TCF7L2: variants seen among roughly 807,000 people sequenced by gnomAD.
The protein encoded by TCF7L2 is transcription factor 7-like 2.
A neutral mutation model predicts 77.9 loss-of-function variants in TCF7L2; 23 were observed. The observed-to-expected ratio is 0.30, with a 90% CI of 0.21 to 0.42. The LOEUF (loss-of-function observed/expected upper bound fraction) is 0.42. Among genes scored for constraint, TCF7L2 ranks in the 10% least tolerant of loss-of-function variants. TCF7L2 has a pLI of 1.00. For missense variants in TCF7L2, 654 were observed against 793.1 expected (o/e 0.82, Z 2.11); for synonymous variants, 413 against 340.2 (o/e 1.21, Z -2.36).
intron 5 of TCF7L2, among the ~76,000 whole-genome samples, chr10:113,105,042 G>T (rs889471053): frequency 2.6e-5 from 4 of 152,200 alleles, no homozygotes; most frequent in South Asian, 2.1e-4. Flanking sequence ...GACTTTGTGG[G>T]ACAGACATGT....
intron 5 of TCF7L2, among the ~76,000 whole-genome samples, chr10:113,110,522 A>C (rs1260231289): frequency 6.6e-6 from 1 of 152,168 alleles, no homozygotes. Context: ...AACATGTAGT[A>C]TACACATGTC....
chr10:113,151,918 G>A lies in TCF7L2; in HGVS notation c.1161+34G>A. 10 of 1,576,192 alleles carry A rather than the reference G, an allele frequency of 6.3e-6. No homozygotes were observed. The highest frequency in any genetic ancestry group is 8.6e-6 in the Non-Finnish European group (10 of 1,166,526). On this transcript the variant is annotated intron_variant, in intron 10 of 13. Transcript: ENST00000627217. This position sits in a 1 kb window ranked among gnomAD's most constrained non-coding sequence, Gnocchi z 5.2. ...CGCCCTTCTCAGGGAGAAGCGGGGG[G>A]CGGGTGGTGAGGGACCAGAGTGCAG...
At chr10:112,961,522 TAGATTATAATGAACA>T (rs1477731146) in intron 3 of TCF7L2, among the ~76,000 whole-genome samples, 1 of 152,100 alleles carries the variant, frequency 6.6e-6, no homozygotes. Flanking sequence ...TTAAAAAAAT[TAGATTATAATGAACA>T]AGACATCTTT....
At chr10:113,010,614 C>T (rs144231180) in intron 4 of TCF7L2, among the ~76,000 whole-genome samples, 31 of 152,320 alleles carry the variant, frequency 2.0e-4, no homozygotes, top group African/African-American at 6.7e-4. Context: ...AGTCTCAGGA[C>T]ACCAAGGTCA....
rs1245533713 is a variant in TCF7L2 at position 113,042,693 on chromosome 10, T to C, written c.552+2567T>C. 4.6e-5 allele frequency among the ~76,000 whole-genome samples: 7 copies of C among 152,160 alleles called. No homozygotes were observed. The East Asian group carries it at 1.3e-3, about 29-fold the overall frequency. ...AAAGGCCTTGCGTTGTTGACCTCTA[T>C]CCACCTGGTCACCTATAGTTTTTGG... On this transcript the variant is annotated intron_variant, in intron 5 of 13. Transcript: ENST00000627217.
intron 4 of TCF7L2, among the ~76,000 whole-genome samples, chr10:113,022,150 C>G (rs925489667): frequency 5.3e-5 from 8 of 152,202 alleles, no homozygotes; most frequent in African/African-American, 1.9e-4. Context: ...TGCAAAACCT[C>G]TTTGGGATGA....
At chr10:113,013,925 T>G (rs763002144) in intron 4 of TCF7L2, among the ~76,000 whole-genome samples, 7 of 152,226 alleles carry the variant, frequency 4.6e-5, no homozygotes, top group Admixed American at 1.3e-4. Flanking sequence ...TGTTAACTTA[T>G]TTTTTAAAGC....
At chr10:113,035,962 C>G (rs2051123832) in intron 4 of TCF7L2, among the ~76,000 whole-genome samples, 1 of 152,130 alleles carries the variant, frequency 6.6e-6, no homozygotes, top group Admixed American at 6.5e-5. Context: ...CAACCCTGCC[C>G]TGAACAAATA....
chr10:113,163,760 G>A (rs1487886912), intron 13 of TCF7L2, among the ~76,000 whole-genome samples: 1 of 152,006 alleles, frequency 6.6e-6, no homozygotes, highest in Non-Finnish European at 1.5e-5. Context: ...CAGACCCTGA[G>A]GCCACTAGCC....
intron 5 of TCF7L2, among the ~76,000 whole-genome samples, chr10:113,043,339 G>A (rs987030527): frequency 6.6e-6 from 1 of 152,216 alleles, no homozygotes; most frequent in African/African-American, 2.4e-5. Flanking sequence ...AACGATTGAT[G>A]TGTAGAATAA....
At position 112,951,266 on chromosome 10, in the gene TCF7L2, GGAA is replaced by G; in HGVS notation, c.254_256del (p.Glu85del). The G allele has an allele frequency of 1.3e-6, 2 of 1,550,458 alleles. No individual in the cohort carries two copies. Among genetic ancestry groups the G allele is most frequent in the South Asian group, 1.2e-5 (1 of 85,240 alleles). ...TCCGAGACAAATCCCGGGAAAGTTT[GGAA>G]GAAGGTGAGTACGCCCCGCGCGCCC... On this transcript the variant is annotated inframe_deletion, in exon 2 of 14. Coordinates refer to ENST00000627217, the MANE Select transcript of TCF7L2 (RefSeq NM_001146274.2).
At position 112,975,351 on chromosome 10, in the gene TCF7L2, G is replaced by A. The variant is rs117736037; in HGVS notation, c.450+10727G>A. On this transcript the variant is annotated intron_variant, in intron 4 of 13. Transcript: ENST00000627217. Reference sequence around the variant, plus strand: ...TGTCTGTGTCTTTGGTTAGTAGTAGGGGCTGGATGAGATAGGATGACTTAA... The same window carrying A: ...TGTCTGTGTCTTTGGTTAGTAGTAGAGGCTGGATGAGATAGGATGACTTAA... Among the ~76,000 whole-genome samples the A allele has an allele frequency of 9.4e-3, 1,426 of 152,230 alleles. 12 individuals carry two copies. The highest frequency in any genetic ancestry group is 0.015 in the Non-Finnish European group (1,033 of 68,018).
intron 3 of TCF7L2, among the ~76,000 whole-genome samples, chr10:112,957,129 CCTTTT>C (rs148611748): frequency 7.9e-5 from 12 of 151,560 alleles, no homozygotes; most frequent in Admixed American, 4.6e-4. Context: ...GCATCTTTTC[CCTTTT>C]CTTTTCTCCC....
chr10:112,995,355 T>C (rs1435292443), intron 4 of TCF7L2, among the ~76,000 whole-genome samples: 1 of 152,148 alleles, frequency 6.6e-6, no homozygotes, highest in Non-Finnish European at 1.5e-5. Context: ...TTTGTAAGTC[T>C]CCTGACAGTG....
intron 2 of TCF7L2, 46 bp from the exon 3 acceptor site, chr10:112,951,437 C>G (rs747823832): frequency 2.9e-6 from 4 of 1,367,534 alleles, no homozygotes; most frequent in Non-Finnish European, 3.9e-6. Flanking sequence ...CACTCTCTCC[C>G]GCTCCGCGCG....
chr10:113,056,156 G>T (rs756014967), intron 5 of TCF7L2, among the ~76,000 whole-genome samples: 2 of 152,142 alleles, frequency 1.3e-5, no homozygotes, highest in Non-Finnish European at 2.9e-5. Context: ...TTTGCAACAG[G>T]CTCCTTGAAG....
At chr10:112,967,905 G>A (rs980786782) in intron 4 of TCF7L2, among the ~76,000 whole-genome samples, 4 of 152,182 alleles carry the variant, frequency 2.6e-5, no homozygotes, top group South Asian at 2.1e-4. Flanking sequence ...AAAGTGCTGG[G>A]ATTACAGGCG....
chr10:113,095,486 G>A (rs1038740759), intron 5 of TCF7L2, among the ~76,000 whole-genome samples: 13 of 152,116 alleles, frequency 8.5e-5, no homozygotes, highest in African/African-American at 1.7e-4. Context: ...CTGATCAACC[G>A]CCGTGGTAGC....
intron 5 of TCF7L2, among the ~76,000 whole-genome samples, chr10:113,045,777 T>G (rs1228979001): frequency 6.6e-6 from 1 of 152,228 alleles, no homozygotes; most frequent in Non-Finnish European, 1.5e-5. Flanking sequence ...TTGTTTTTAT[T>G]TATTTTATTC....
Sources: allele counts gnomAD v4.1 joint callset (sites outside exome capture counted in the v4.1 genomes callset), GRCh38; gene constraint gnomAD v4.1.1; non-coding constraint Gnocchi (gnomAD v3.1); transcripts MANE v1.5; gene names NCBI Gene and HGNC (gene_info 2026-07-23, HGNC 2026-07-21).